CRADD: variants seen among roughly 807,000 people sequenced by gnomAD.
The protein encoded by CRADD is CARD and death domain containing adaptor protein, also known as death domain-containing protein CRADD.
A neutral mutation model predicts 15.5 loss-of-function variants in CRADD; 9 were observed. That is an observed-to-expected ratio of 0.58 (90% CI 0.35 to 1.01). The LOEUF is 1.01. CRADD is among the 50% of genes least tolerant of loss of function. The pLI is 0.02. For synonymous variants in CRADD, 118 were observed against 107.6 expected, an observed-to-expected ratio of 1.10 and a Z score of -0.60; for missense variants, 227 against 250.3, an observed-to-expected ratio of 0.91 and a Z score of 0.63.
rs77762494 is a variant in CRADD, at chr12:93,799,194, G to C, written c.299-50776G>C. ...TTCTATGAGAACTAGGTATTTTTAT[G>C]TAAATGATTAACTAAAACAACGAAT... On this transcript the variant is annotated intron_variant, in intron 2 of 2. Coordinates refer to ENST00000332896, the MANE Select transcript of CRADD (RefSeq NM_003805.5). Among the ~76,000 whole-genome samples, 1,245 of 152,318 alleles carry C rather than the reference G, an allele frequency of 8.2e-3. 23 individuals carry two copies. Among genetic ancestry groups the C allele is most frequent in the African/African-American group, 0.029 (1,188 of 41,558 alleles).
intron 2 of CRADD, among the ~76,000 whole-genome samples, chr12:93,773,367 G>T (rs1280796820): frequency 6.6e-6 from 1 of 152,098 alleles, no homozygotes; most frequent in African/African-American, 2.4e-5. Flanking sequence ...GAGTCTCACG[G>T]GATCTGATGA....
At chr12:93,685,479 A>G (rs1297521986) in intron 2 of CRADD, among the ~76,000 whole-genome samples, 1 of 152,232 alleles carries the variant, frequency 6.6e-6, no homozygotes, top group African/African-American at 2.4e-5. Flanking sequence ...CATGATGGAT[A>G]TACTGATTGC....
chr12:93,782,596 A>G (rs1957223790), intron 2 of CRADD, among the ~76,000 whole-genome samples: 1 of 143,070 alleles, frequency 7.0e-6, no homozygotes, highest in African/African-American at 2.7e-5. Flanking sequence ...CGTCTCAGGA[A>G]AAAAAAAAAA....
At chr12:93,716,899 C>T (rs1956173108) in intron 2 of CRADD, among the ~76,000 whole-genome samples, 1 of 152,194 alleles carries the variant, frequency 6.6e-6, no homozygotes, top group Non-Finnish European at 1.5e-5. Context: ...TATCAAGAAG[C>T]ATGACTGCTG....
chr12:93,867,196 T>C (rs1958374909), intron 2 of CRADD, among the ~76,000 whole-genome samples: 2 of 152,022 alleles, frequency 1.3e-5, no homozygotes, highest in Non-Finnish European at 2.9e-5. Context: ...AGGACATAGC[T>C]GTCCTAGACC....
At chr12:93,682,492 G>T (rs1433851705) in intron 2 of CRADD, among the ~76,000 whole-genome samples, 1 of 152,164 alleles carries the variant, frequency 6.6e-6, no homozygotes, top group African/African-American at 2.4e-5. Context: ...AGAATGAACT[G>T]ATTTTATCTT....
At chr12:93,828,793 A>T (rs1795378752) in intron 2 of CRADD, among the ~76,000 whole-genome samples, 4 of 152,162 alleles carry the variant, frequency 2.6e-5, no homozygotes, top group Admixed American at 2.6e-4. Context: ...TTTCAAAATT[A>T]TTTTGGCTCT....
At chr12:93,755,441 G>A (rs1336446579) in intron 2 of CRADD, among the ~76,000 whole-genome samples, 1 of 152,182 alleles carries the variant, frequency 6.6e-6, no homozygotes, top group African/African-American at 2.4e-5. Context: ...CTACATGACA[G>A]TGGAACTAAC....
At chr12:93,699,960 A>G (rs1235544047) in intron 2 of CRADD, among the ~76,000 whole-genome samples, 1 of 152,204 alleles carries the variant, frequency 6.6e-6, no homozygotes, top group Non-Finnish European at 1.5e-5. Flanking sequence ...TCAGCAGAGC[A>G]TGCAGCATGA....
In CRADD at chr12:93,681,850, C is replaced by T. The variant is rs940187830; in HGVS notation, c.298+2778C>T. Among the ~76,000 whole-genome samples, 3 of 151,674 alleles carry T rather than the reference C, an allele frequency of 2.0e-5. No individual in the cohort carries two copies. The East Asian group carries it at 5.8e-4, about 29-fold the overall frequency. ...CATATGTTTTTGAAAATCCTGTATACCGTAAGTTCTAGAGGTGTGTGTGTG... is the reference window on the plus strand; with the variant it reads ...CATATGTTTTTGAAAATCCTGTATATCGTAAGTTCTAGAGGTGTGTGTGTG... On this transcript the variant is annotated intron_variant, in intron 2 of 2. Coordinates refer to ENST00000332896, the MANE Select transcript of CRADD (RefSeq NM_003805.5).
At chr12:93,717,631 C>T (rs188507313) in intron 2 of CRADD, among the ~76,000 whole-genome samples, 2 of 152,176 alleles carry the variant, frequency 1.3e-5, no homozygotes, top group Non-Finnish European at 2.9e-5. Flanking sequence ...AGCAATTCTC[C>T]TGCCTCAGCC....
chr12:93,869,303 A>C (rs1317492151), intron 2 of CRADD, among the ~76,000 whole-genome samples: 1 of 152,190 alleles, frequency 6.6e-6, no homozygotes, highest in East Asian at 1.9e-4. Flanking sequence ...AACAAAACCA[A>C]ATACTCATCT....
intron 2 of CRADD, among the ~76,000 whole-genome samples, chr12:93,699,640 G>T (rs10492324): frequency 1.3e-5 from 2 of 152,056 alleles, no homozygotes; most frequent in African/African-American, 2.4e-5. Flanking sequence ...AGACTCAAAC[G>T]TTCTGATGAG....
At chr12:93,732,720 C>G (rs1444644613) in intron 2 of CRADD, among the ~76,000 whole-genome samples, 2 of 152,152 alleles carry the variant, frequency 1.3e-5, no homozygotes, top group Admixed American at 6.5e-5. Context: ...GCAAGTCACT[C>G]TAGTCTCTCT....
chr12:93,859,884 G>T (rs554230682), intron 2 of CRADD, among the ~76,000 whole-genome samples: 2 of 110,724 alleles, frequency 1.8e-5, no homozygotes, highest in African/African-American at 7.4e-5. Context: ...GCACCACCCC[G>T]ACCAGCTAAT....
intron 2 of CRADD, among the ~76,000 whole-genome samples, chr12:93,774,393 GAATTTA>G (rs1592978806): frequency 6.6e-6 from 1 of 152,168 alleles, no homozygotes; most frequent in East Asian, 1.9e-4. Flanking sequence ...AGGGCTTGAG[GAATTTA>G]GTGGCCAATG....
intron 2 of CRADD, among the ~76,000 whole-genome samples, chr12:93,762,374 C>G (rs7962567): frequency 6.6e-6 from 1 of 152,038 alleles, no homozygotes; most frequent in Non-Finnish European, 1.5e-5. Flanking sequence ...ATATGTCTGG[C>G]TTTCTTGAAC....
intron 2 of CRADD, among the ~76,000 whole-genome samples, chr12:93,732,944 C>T (rs1337335567): frequency 6.6e-6 from 1 of 152,016 alleles, no homozygotes; most frequent in African/African-American, 2.4e-5. Flanking sequence ...TCTAATAGAC[C>T]CAGATTTGAA....
rs148505397 is a variant in CRADD, at chr12:93,860,201, G to C, written c.299-33849G>C. ...CAGAATTCTGACATCTTAACTGTTT[G>C]CTTGTTCAATAAGAGGTACTTAAGC... On this transcript the variant is annotated intron_variant, in intron 2 of 2. Coordinates refer to the CRADD transcript ENST00000548483. Among the ~76,000 whole-genome samples the C allele has an allele frequency of 1.1e-4, 17 of 151,778 alleles. 1 individual carries two copies. In the East Asian group the frequency reaches 3.3e-3, roughly 29 times the overall value.
Sources: gnomAD v4.1 joint callset for allele counts (sites outside exome capture counted in the v4.1 genomes callset) on GRCh38, gnomAD v4.1.1 for gene constraint, MANE v1.5 for transcripts, NCBI Gene and HGNC (gene_info 2026-07-23, HGNC 2026-07-21) for gene names.